The following ZNF609 variants were observed in gnomAD, a reference collection of about 807,000 sequenced individuals.
ZNF609 encodes the protein zinc finger protein 609.
A neutral mutation model predicts 109.5 loss-of-function variants in ZNF609; 11 were observed. The ratio of observed to expected loss-of-function variants is 0.10; its 90% CI spans 0.06 to 0.17. The LOEUF is 0.17. Ranked by LOEUF, ZNF609 falls within the 10% of genes least tolerant of loss-of-function variation. The pLI is 1.00. For missense variants in ZNF609, 1,559 were observed against 1,772.4 expected, an observed-to-expected ratio of 0.88 and a Z score of 2.16; for synonymous variants, 646 against 662.0, an observed-to-expected ratio of 0.98 and a Z score of 0.37.
At chr15:64,578,656 C>T (rs1455370085) in intron 2 of ZNF609, among the ~76,000 whole-genome samples, 1 of 152,132 alleles carries the variant, frequency 6.6e-6, no homozygotes, top group East Asian at 1.9e-4. Flanking sequence ...CGTGCCATTG[C>T]ACTCTAGCCT....
rs1896876408 is a variant in ZNF609 at position 64,680,925 on chromosome 15, A to G, written c.4162+63A>G. The stretch of plus-strand genomic sequence containing the variant: ...GTTTTGTTTTGTTTATCTTCATCCC[A>G]GTAGTAATGTCCACAGCTAGGACCC... On this transcript the variant is annotated intron_variant, in intron 8 of 9. Coordinates refer to ENST00000326648, the MANE Select transcript of ZNF609 (RefSeq NM_015042.2). 10 of 1,574,854 alleles carry G rather than the reference A, an allele frequency of 6.3e-6. No individual in the cohort carries two copies. The South Asian group carries it at 1.0e-4, about 16-fold the overall frequency.
intron 1 of ZNF609, among the ~76,000 whole-genome samples, chr15:64,488,307 C>T (rs1003765015): frequency 3.9e-5 from 6 of 152,072 alleles, no homozygotes; most frequent in Non-Finnish European, 7.4e-5. Flanking sequence ...GAAATGCCAG[C>T]GGGGCATTGA....
At chr15:64,496,396 T>C (rs1893483278) in intron 1 of ZNF609, among the ~76,000 whole-genome samples, 2 of 152,222 alleles carry the variant, frequency 1.3e-5, no homozygotes, top group Non-Finnish European at 1.5e-5. Flanking sequence ...ATACTGAGGA[T>C]AGTGAGTAAC....
At chr15:64,620,083 C>CA (rs1223426139) in intron 2 of ZNF609, among the ~76,000 whole-genome samples, 1 of 152,156 alleles carries the variant, frequency 6.6e-6, no homozygotes, top group Non-Finnish European at 1.5e-5. Context: ...AGCTGTGGAA[C>CA]AGGTTGGCAA....
intron 3 of ZNF609, among the ~76,000 whole-genome samples, chr15:64,634,335 C>G (rs1047460030): frequency 1.3e-5 from 2 of 152,174 alleles, no homozygotes; most frequent in African/African-American, 2.4e-5. Flanking sequence ...GGAAGTTAGT[C>G]TGCCTGTGGT....
At chr15:64,665,621 A>G (rs1896635468) in intron 3 of ZNF609, among the ~76,000 whole-genome samples, 1 of 152,114 alleles carries the variant, frequency 6.6e-6, no homozygotes, top group South Asian at 2.1e-4. Context: ...TAAAAAGTAA[A>G]CAAATGGGCC....
chr15:64,674,788 C>T lies in ZNF609; in HGVS notation c.1934C>T (p.Pro645Leu). Residue 645 changes from proline to leucine, a missense_variant, in exon 5 of 10, where the codon CCT becomes CTT. Pro to Leu is a moderately conservative substitution (Grantham distance 98). Coordinates refer to ENST00000326648, the MANE Select transcript of ZNF609 (RefSeq NM_015042.2). ...EKCKKPSSLK[P>L]EKIPSKSLKS... ...TGTAAAAAACCCTCTAGTTTAAAAC[C>T]TGAAAAGATTCCTTCCAAGAGCCTA... The T allele has an allele frequency of 1.2e-6, 2 of 1,614,022 alleles. No individual in the cohort carries two copies. The highest frequency in any genetic ancestry group is 1.7e-6 in the Non-Finnish European group (2 of 1,179,998).
At chr15:64,608,741 G>A (rs966974119) in intron 2 of ZNF609, among the ~76,000 whole-genome samples, 3 of 151,594 alleles carry the variant, frequency 2.0e-5, no homozygotes, top group African/African-American at 7.3e-5. Flanking sequence ...GTGTGTGTGT[G>A]TGTGTGTATT....
At chr15:64,478,154 AG>A (rs1193015817) in intron 1 of ZNF609, among the ~76,000 whole-genome samples, 34 of 79,018 alleles carry the variant, frequency 4.3e-4, no homozygotes, top group African/African-American at 1.4e-3. Context: ...TTTAGAATAA[AG>A]GTGTGTGTGT....
At chr15:64,655,429 T>G (rs1896476659) in intron 3 of ZNF609, among the ~76,000 whole-genome samples, 1 of 151,604 alleles carries the variant, frequency 6.6e-6, no homozygotes, top group African/African-American at 2.4e-5. Context: ...AGAGCAAAAC[T>G]CCATCCCCCG....
At chr15:64,529,098 G>A (rs996506808) in intron 2 of ZNF609, 130 of 883,352 alleles carry the variant, frequency 1.5e-4, no homozygotes, top group South Asian at 2.6e-4. Context: ...ACAGTTTCCC[G>A]GAGGGGCCAT....
At chr15:64,460,232 C>T (rs1892916537), upstream of ZNF609, among the ~76,000 whole-genome samples, 1 of 152,048 alleles carries the variant, frequency 6.6e-6, no homozygotes, top group Non-Finnish European at 1.5e-5. Flanking sequence ...GAGGTGTCTT[C>T]TGTGTTATAA....
chr15:64,644,063 C>T (rs981443150), intron 3 of ZNF609, among the ~76,000 whole-genome samples: 3 of 151,486 alleles, frequency 2.0e-5, no homozygotes, highest in African/African-American at 7.3e-5. Flanking sequence ...ATGATCTTGC[C>T]GGTATACTCT....
In ZNF609 at chr15:64,577,021, T is replaced by C. The variant is rs1237888539; in HGVS notation, c.748-45806T>C. Among the ~76,000 whole-genome samples the C allele has an allele frequency of 6.9e-4, 83 of 119,778 alleles. 3 individuals carry two copies. The highest frequency in any genetic ancestry group is 2.4e-3 in the African/African-American group (82 of 33,826). The allele number at this position is 119,778 out of a possible 152,430, so 78.6% of individuals were successfully genotyped here. A position where few individuals can be genotyped will look rare whatever the true frequency, so the allele number is the denominator to read the frequency against. On this transcript the variant is annotated intron_variant, in intron 2 of 9. Transcript: ENST00000326648. Reference sequence around the variant, plus strand: ...AAATATATATATGTATGTATACACATAAATATATATATGTATATATACACA... The same window carrying C: ...AAATATATATATGTATGTATACACACAAATATATATATGTATATATACACA...
chr15:64,680,392 C>G (rs775014805), intron 7 of ZNF609, 32 bp downstream of exon 7: 2 of 1,608,516 alleles, frequency 1.2e-6, no homozygotes, highest in African/African-American at 1.3e-5. Flanking sequence ...TGGCTGTTAC[C>G]CAAAGACTAG....
intron 1 of ZNF609, among the ~76,000 whole-genome samples, chr15:64,469,272 C>T (rs548428846): frequency 1.2e-4 from 18 of 150,962 alleles, no homozygotes; most frequent in African/African-American, 2.9e-4. Flanking sequence ...TCAATAAATA[C>T]GTAAATAATT....
chr15:64,648,927 G>A (rs1293981638), intron 3 of ZNF609, among the ~76,000 whole-genome samples: 3 of 151,990 alleles, frequency 2.0e-5, no homozygotes, highest in African/African-American at 7.3e-5. Context: ...TAACAGTTAA[G>A]GTCTAGGATG....
At chr15:64,607,163 TAAAAAATAAATAAATAAAGTAA>T (rs1895616014) in intron 2 of ZNF609, among the ~76,000 whole-genome samples, 2 of 108,168 alleles carry the variant, frequency 1.8e-5, no homozygotes, top group South Asian at 5.3e-4. Flanking sequence ...ATAAATAAAG[TAAAAAATAAATAAATAAAGTAA>T]AAAAAATAAA....
At chr15:64,509,159 T>A (rs922149513) in intron 2 of ZNF609, among the ~76,000 whole-genome samples, 1 of 152,216 alleles carries the variant, frequency 6.6e-6, no homozygotes, top group African/African-American at 2.4e-5. Flanking sequence ...TTTTTTCTTT[T>A]AAAAATATCC....
Sources: allele counts gnomAD v4.1 joint callset (sites outside exome capture counted in the v4.1 genomes callset), GRCh38; gene constraint gnomAD v4.1.1; transcripts MANE v1.5; gene names NCBI Gene and HGNC (gene_info 2026-07-23, HGNC 2026-07-21).